The following ABCC2 variants were observed in gnomAD, a reference collection of about 807,000 sequenced individuals.
The protein encoded by ABCC2 is ATP binding cassette subfamily C member 2, also known as ATP-binding cassette sub-family C member 2.
A neutral mutation model predicts 173.4 loss-of-function variants in ABCC2; 157 were observed. That is an observed-to-expected ratio of 0.91 (90% CI 0.80 to 1.03). The LOEUF is 1.03. Among genes scored for constraint, ABCC2 ranks in the 50% least tolerant of loss-of-function variants. ABCC2 has a pLI of 0.00. For synonymous variants in ABCC2, 657 were observed against 693.5 expected, an observed-to-expected ratio of 0.95 and a Z score of 0.83; for missense variants, 1,822 against 1,852.3, an observed-to-expected ratio of 0.98 and a Z score of 0.30.
chr10:99,843,967 CT>C (rs2038981048), intron 27 of ABCC2, 67 bp downstream of exon 27: 1 of 1,303,918 alleles, frequency 7.7e-7, no homozygotes, highest in East Asian at 2.3e-5. Context: ...GAGAGTGCAT[CT>C]TTAGAATTTC....
At chr10:99,813,201 C>CT in intron 16 of ABCC2, 57 bp downstream of exon 16, 1 of 1,595,722 alleles carries the variant, frequency 6.3e-7, no homozygotes, top group African/African-American at 1.3e-5. Flanking sequence ...CAGCTTCGTG[C>CT]TTTTGCCTCA....
Position 99,830,188 on chromosome 10 carries a change from T to G in ABCC2, c.2621-119T>G, listed in dbSNP as rs566450733. 1.2e-4 allele frequency: 144 copies of G among 1,156,430 alleles called. 1 individual carries two copies. The African/African-American group carries it at 1.8e-3, about 15-fold the overall frequency. The allele number at this position is 1,156,430 out of a possible 1,614,324, so 71.6% of individuals were successfully genotyped here. Reference sequence around the variant, plus strand: ...ATGGAGTAAAGTATTCCATGCTGTATGTACATCTGGGATCCCTTGCTGAAA... The same window carrying G: ...ATGGAGTAAAGTATTCCATGCTGTAGGTACATCTGGGATCCCTTGCTGAAA... On this transcript the variant is annotated intron_variant, in intron 19 of 31. Transcript: ENST00000647814.
intron 16 of ABCC2, among the ~76,000 whole-genome samples, chr10:99,814,074 T>A (rs558407570): frequency 6.9e-6 from 1 of 144,882 alleles, no homozygotes; most frequent in Non-Finnish European, 1.5e-5. Flanking sequence ...TATATATATA[T>A]GTGTATGTGT....
chr10:99,791,944 C>T (rs1056513497), intron 2 of ABCC2, among the ~76,000 whole-genome samples: 5 of 152,234 alleles, frequency 3.3e-5, no homozygotes, highest in Admixed American at 6.5e-5. Flanking sequence ...CCCCAGCCCA[C>T]ACTCAAGGGA....
chr10:99,850,210 A>G (rs1392068424), intron 30 of ABCC2, among the ~76,000 whole-genome samples: 6 of 152,196 alleles, frequency 3.9e-5, no homozygotes, highest in Non-Finnish European at 8.8e-5. Context: ...GGTGACACTC[A>G]TGTTGTTTTG....
At position 99,851,686 on chromosome 10, in the gene ABCC2, T is replaced by C. The variant is rs555113797; in HGVS notation, c.*55T>C. 66 of 1,489,022 alleles carry C rather than the reference T, an allele frequency of 4.4e-5. No homozygotes were observed. The South Asian group carries it at 7.4e-4, about 17-fold the overall frequency. 92.2% of individuals were successfully genotyped at this position (1,489,022 alleles called of 1,614,324 possible). A position where few individuals can be genotyped will look rare whatever the true frequency, so the allele number is the denominator to read the frequency against. ...ATAAGAATAATTTCTTATTTAATTT[T>C]ATTTTTTATAAAATACAGAATACAT... On this transcript the variant is annotated 3_prime_UTR_variant, in exon 32 of 32. Transcript: ENST00000647814.
chr10:99,837,122 T>G (rs1225350565), intron 25 of ABCC2, among the ~76,000 whole-genome samples: 1 of 149,956 alleles, frequency 6.7e-6, no homozygotes, highest in South Asian at 2.1e-4. Flanking sequence ...TAAATACATT[T>G]TCTTTGAGAA....
intron 9 of ABCC2, among the ~76,000 whole-genome samples, chr10:99,803,650 T>C (rs1210857712): frequency 2.0e-5 from 3 of 152,068 alleles, no homozygotes; most frequent in Non-Finnish European, 4.4e-5. Context: ...ATGAATGTAA[T>C]GACAAAGGTA....
At chr10:99,793,818 A>G in intron 4 of ABCC2, 74 bp from the exon 5 acceptor site, 1 of 1,566,144 alleles carries the variant, frequency 6.4e-7, no homozygotes, top group Non-Finnish European at 8.8e-7. Context: ...AATCACAAGC[A>G]TTGATATATA....
intron 30 of ABCC2, among the ~76,000 whole-genome samples, chr10:99,848,765 C>G (rs3780880): frequency 0.32 from 49,282 of 152,082 alleles, 8,408 homozygotes; most frequent in Non-Finnish European, 0.37. Context: ...CCCAGACCAA[C>G]TGAATCGGGG....
chr10:99,789,255 G>A (rs2037771616), intron 2 of ABCC2: 1 of 152,264 alleles, frequency 6.6e-6, no homozygotes, highest in Non-Finnish European at 1.5e-5. Flanking sequence ...GAAGGAAGAT[G>A]AGAGAGCCTC....
chr10:99,841,345 G>A (rs1428211361), intron 25 of ABCC2, among the ~76,000 whole-genome samples: 1 of 152,130 alleles, frequency 6.6e-6, no homozygotes, highest in Middle Eastern at 3.2e-3. Flanking sequence ...GTGAGCCCAG[G>A]AGTTCAAGAC....
At position 99,797,175 on chromosome 10, in the gene ABCC2, AT is replaced by A. The variant is rs2037930346; in HGVS notation, c.713del (p.Leu238Ter). The A allele has an allele frequency of 1.2e-6, 2 of 1,614,072 alleles. No homozygotes were observed. The highest frequency in any genetic ancestry group is 2.7e-5 in the African/African-American group (2 of 74,938). ...EVDEEMKTKTLVSKFETHMKR... is the reference protein window; with the variant it reads ...EVDEEMKTKTXVSKFETHMKR... Reference sequence around the variant, plus strand: ...TTGATGAAGAGATGAAAACCAAGACATTAGTGAGCAAGTTTGAAACGCACAT... The same window carrying A: ...TTGATGAAGAGATGAAAACCAAGACATAGTGAGCAAGTTTGAAACGCACAT... On this transcript the variant is annotated frameshift_variant, in exon 7 of 32. Transcript: ENST00000647814. LOFTEE classifies it high-confidence loss of function.
At chr10:99,831,003 G>C in intron 21 of ABCC2, 152 bp downstream of exon 21, 1 of 844,048 alleles carries the variant, frequency 1.2e-6, no homozygotes. Flanking sequence ...CCTGTTAGCA[G>C]AGGCTGTGGG....
chr10:99,841,843 C>T, intron 25 of ABCC2, 124 bp from the exon 26 acceptor site: 1 of 1,249,860 alleles, frequency 8.0e-7, no homozygotes, highest in Non-Finnish European at 1.2e-6. Flanking sequence ...CAAATTGAGG[C>T]ATTGCCTAAG....
chr10:99,806,077 C>CTCTGTGTG (rs10644836), intron 11 of ABCC2, among the ~76,000 whole-genome samples: 32,514 of 147,858 alleles, frequency 0.22, 3,724 homozygotes, highest in South Asian at 0.26. Context: ...CTCTCTCTGT[C>CTCTGTGTG]TGTGTGTGTG....
In ABCC2 at chr10:99,804,007, C is replaced by G. The variant is rs2038054442; in HGVS notation, c.1210-12C>G. On this transcript the variant is annotated splice_polypyrimidine_tract_variant and intron_variant, in intron 9 of 31. Coordinates refer to ENST00000647814, the MANE Select transcript of ABCC2 (RefSeq NM_000392.5). ...TTTGTCCATGGGTCCTAATTTCAATCCTTATCTTTAGGCATTGACCCTATC... is the reference window on the plus strand; with the variant it reads ...TTTGTCCATGGGTCCTAATTTCAATGCTTATCTTTAGGCATTGACCCTATC... 2 of 1,614,082 alleles carry G rather than the reference C, an allele frequency of 1.2e-6. No homozygotes were observed. Among genetic ancestry groups the G allele is most frequent in the African/African-American group, 2.7e-5 (2 of 75,026 alleles).
chr10:99,782,807 A>T lies in ABCC2; in HGVS notation c.-38A>T. ...AAAGAAGAAACAACACAATCATATT[A>T]ATAGAAGAGTCTTCGTTCCAGACGC... On this transcript the variant is annotated 5_prime_UTR_variant, in exon 1 of 32. An upstream open reading frame in the 5' UTR loses its in-frame stop. Coordinates refer to ENST00000647814, the MANE Select transcript of ABCC2 (RefSeq NM_000392.5). 6.2e-7 allele frequency: 1 copy of T among 1,609,720 alleles called. No homozygotes were observed. Among genetic ancestry groups the T allele is most frequent in the Non-Finnish European group, 8.5e-7 (1 of 1,175,960 alleles).
intron 2 of ABCC2, among the ~76,000 whole-genome samples, chr10:99,785,654 G>A (rs967829493): frequency 1.4e-4 from 22 of 152,028 alleles, no homozygotes; most frequent in Admixed American, 1.4e-3. Flanking sequence ...GAGTAGCTGG[G>A]ATTACAGGAG....
Sources: gnomAD v4.1 joint callset for allele counts (sites outside exome capture counted in the v4.1 genomes callset) on GRCh38, gnomAD v4.1.1 for gene constraint, MANE v1.5 for transcripts, NCBI Gene and HGNC (gene_info 2026-07-23, HGNC 2026-07-21) for gene names.